Variants in PCDH9 observed in about 807,000 individuals in gnomAD.
PCDH9 encodes protocadherin 9.
Under a neutral mutation model 70.6 loss-of-function variants are expected in PCDH9, and 24 were observed. The observed-to-expected ratio is 0.34, with a 90% CI of 0.25 to 0.48. The LOEUF (loss-of-function observed/expected upper bound fraction) is 0.48, where lower values mean the gene tolerates loss of function less well. Among genes scored for constraint, PCDH9 ranks in the 20% least tolerant of loss-of-function variants. The probability of loss-of-function intolerance (pLI) is 0.99; values close to 1 mark genes in which losing one functional copy is unlikely to be tolerated. For missense variants in PCDH9, 1,281 were observed against 1,503.6 expected (o/e 0.85, Z 2.45); for synonymous variants, 562 against 558.5 (o/e 1.01, Z -0.09).
intron 4 of PCDH9, among the ~76,000 whole-genome samples, chr13:66,616,307 G>A (rs2077354949): frequency 6.6e-6 from 1 of 152,030 alleles, no homozygotes; most frequent in Non-Finnish European, 1.5e-5. Flanking sequence ...AAAGGCCTAT[G>A]TAGAAACAAT....
intron 3 of PCDH9, among the ~76,000 whole-genome samples, chr13:66,712,068 T>C (rs2078802466): frequency 6.6e-6 from 1 of 152,180 alleles, no homozygotes; most frequent in Non-Finnish European, 1.5e-5. Flanking sequence ...CTTGTGAATC[T>C]GAATTTTTAA....
chr13:66,541,975 T>A (rs1003031625), intron 4 of PCDH9, among the ~76,000 whole-genome samples: 1 of 152,200 alleles, frequency 6.6e-6, no homozygotes, highest in African/African-American at 2.4e-5. Flanking sequence ...TTAATGAGGC[T>A]CTTTTAATTT....
At chr13:67,064,618 T>C (rs1320742344) in intron 2 of PCDH9, among the ~76,000 whole-genome samples, 1 of 152,148 alleles carries the variant, frequency 6.6e-6, no homozygotes, top group Non-Finnish European at 1.5e-5. Context: ...AATCAAATCA[T>C]GGACAAAATC....
At chr13:66,336,715 A>G (rs780590714) in intron 4 of PCDH9, among the ~76,000 whole-genome samples, 3 of 152,078 alleles carry the variant, frequency 2.0e-5, no homozygotes, top group Non-Finnish European at 4.4e-5. Context: ...AATAAGATGC[A>G]TGTTGGTAAT....
chr13:66,316,885 G>A (rs1955662777), intron 4 of PCDH9, among the ~76,000 whole-genome samples: 1 of 152,018 alleles, frequency 6.6e-6, no homozygotes, highest in Non-Finnish European at 1.5e-5. Context: ...ACAACGCCTG[G>A]CTAATTTTTG....
intron 4 of PCDH9, among the ~76,000 whole-genome samples, chr13:66,461,269 T>C (rs1443318707): frequency 2.0e-5 from 3 of 151,878 alleles, no homozygotes; most frequent in Non-Finnish European, 2.9e-5. Context: ...AAATTCTCTT[T>C]GCATAGTTTC....
chr13:66,434,612 T>C (rs1408437511), intron 4 of PCDH9, among the ~76,000 whole-genome samples: 1 of 152,038 alleles, frequency 6.6e-6, no homozygotes, highest in South Asian at 2.1e-4. Context: ...AATGGAATTA[T>C]AGTACTTGGA....
chr13:66,766,525 G>C (rs1388646956), intron 3 of PCDH9, among the ~76,000 whole-genome samples: 4 of 151,896 alleles, frequency 2.6e-5, no homozygotes, highest in African/African-American at 9.7e-5. Context: ...TTATAGTGTA[G>C]ATAGCACAGC....
Position 66,722,767 on chromosome 13 carries a change from A to G in PCDH9, c.3139-91356T>C, listed in dbSNP as rs188618555. 3.9e-5 allele frequency among the ~76,000 whole-genome samples: 6 copies of G among 152,240 alleles called. No individual in the cohort carries two copies. In the East Asian group the frequency reaches 7.8e-4, roughly 20 times the overall value. ...CTGATCACCTCAGGTCAGGAGTTTG[A>G]GACCACCCTGGCCAACATGGTGAAA... On this transcript the variant is annotated intron_variant, in intron 3 of 4. Coordinates refer to ENST00000377865, the MANE Select transcript of PCDH9 (RefSeq NM_203487.3).
intron 4 of PCDH9, among the ~76,000 whole-genome samples, chr13:66,344,582 A>G (rs1017267992): frequency 6.6e-6 from 1 of 152,222 alleles, no homozygotes; most frequent in Admixed American, 6.5e-5. Flanking sequence ...GTGCTACCCA[A>G]GTCTCAAGTT....
chr13:66,415,271 A>T (rs1303409953), intron 4 of PCDH9, among the ~76,000 whole-genome samples: 1 of 152,194 alleles, frequency 6.6e-6, no homozygotes, highest in African/African-American at 2.4e-5. Flanking sequence ...GTTATTCAAA[A>T]GAAAATAGCC....
chr13:66,383,459 A>G (rs1593890555), intron 4 of PCDH9, among the ~76,000 whole-genome samples: 2 of 152,214 alleles, frequency 1.3e-5, no homozygotes, highest in East Asian at 3.9e-4. Context: ...ATCAAAGTCA[A>G]CTTGCTAATT....
intron 2 of PCDH9, among the ~76,000 whole-genome samples, chr13:67,083,786 T>C (rs1362550708): frequency 2.0e-5 from 3 of 152,096 alleles, no homozygotes; most frequent in Non-Finnish European, 4.4e-5. Flanking sequence ...ATTCCAAACA[T>C]AAACATGACA....
At chr13:67,019,318 C>T (rs1389186685) in intron 2 of PCDH9, among the ~76,000 whole-genome samples, 1 of 151,310 alleles carries the variant, frequency 6.6e-6, no homozygotes, top group Admixed American at 6.6e-5. Flanking sequence ...CTCAGCCTCC[C>T]GAGTAGCTGG....
At chr13:66,712,205 TC>T (rs1393446346) in intron 3 of PCDH9, among the ~76,000 whole-genome samples, 6 of 152,332 alleles carry the variant, frequency 3.9e-5, no homozygotes, top group African/African-American at 1.4e-4. Flanking sequence ...TAAAAATATT[TC>T]CTTTTAGTTT....
intron 4 of PCDH9, among the ~76,000 whole-genome samples, chr13:66,555,745 C>A (rs911523108): frequency 5.4e-5 from 6 of 110,490 alleles, no homozygotes; most frequent in African/African-American, 1.5e-4. Context: ...TATTATGAAC[C>A]TTTGAATGCA....
In PCDH9 at chr13:66,424,749, G is replaced by T. The variant is rs1454429286; in HGVS notation, c.3341-119721C>A. 2.6e-5 allele frequency among the ~76,000 whole-genome samples: 4 copies of T among 151,872 alleles called. No homozygotes were observed. In the East Asian group the frequency reaches 5.8e-4, roughly 22 times the overall value. Reference sequence around the variant, plus strand: ...GTGAAGAAACAATTTCGTCTGAGATGATCACATTTATAAATTTATATAATT... The same window carrying T: ...GTGAAGAAACAATTTCGTCTGAGATTATCACATTTATAAATTTATATAATT... On this transcript the variant is annotated intron_variant, in intron 4 of 4. Transcript: ENST00000377865.
intron 3 of PCDH9, among the ~76,000 whole-genome samples, chr13:66,789,428 A>C (rs1264682616): frequency 2.0e-5 from 3 of 152,192 alleles, no homozygotes; most frequent in Non-Finnish European, 4.4e-5. Flanking sequence ...CAATTGGACA[A>C]ACTTAAAATT....
At chr13:66,598,364 T>A (rs1260022949) in intron 4 of PCDH9, among the ~76,000 whole-genome samples, 4 of 151,824 alleles carry the variant, frequency 2.6e-5, no homozygotes, top group Admixed American at 2.0e-4. Flanking sequence ...ATATAGAGGA[T>A]ACACAGAAAC....
Sources: allele counts gnomAD v4.1 joint callset (sites outside exome capture counted in the v4.1 genomes callset), GRCh38; gene constraint gnomAD v4.1.1; transcripts MANE v1.5; gene names NCBI Gene and HGNC (gene_info 2026-07-23, HGNC 2026-07-21).